Variants in TRIO observed in about 807,000 individuals in gnomAD.
The protein encoded by TRIO is trio Rho guanine nucleotide exchange factor, also known as triple functional domain protein.
TRIO carries 58 observed loss-of-function variants against 351.9 expected under a neutral mutation model. That is an observed-to-expected ratio of 0.16 (90% CI 0.13 to 0.21). The LOEUF (loss-of-function observed/expected upper bound fraction) is 0.21. TRIO is among the 10% of genes least tolerant of loss of function. The probability of loss-of-function intolerance (pLI) is 1.00; values close to 1 mark genes in which losing one functional copy is unlikely to be tolerated. For synonymous variants in TRIO, 1,758 were observed against 1,595.7 expected (o/e 1.10, Z -2.42); for missense variants, 3,201 against 4,027.8 (o/e 0.79, Z 5.56).
intron 1 of TRIO, among the ~76,000 whole-genome samples, chr5:14,159,168 C>G (rs531933070): frequency 6.6e-6 from 1 of 152,166 alleles, no homozygotes; most frequent in African/African-American, 2.4e-5. Context: ...TCCCACTCCC[C>G]CTCTCCCTTT....
chr5:14,219,346 T>A (rs958269852), intron 1 of TRIO, among the ~76,000 whole-genome samples: 1 of 152,222 alleles, frequency 6.6e-6, no homozygotes, highest in African/African-American at 2.4e-5. Context: ...CCTGTACTTC[T>A]GCCTCTGCAA....
chr5:14,368,877 C>T lies in TRIO; in HGVS notation c.3044C>T (p.Ala1015Val). 1 of 1,614,120 alleles carries T rather than the reference C, an allele frequency of 6.2e-7. No individual in the cohort carries two copies. Among genetic ancestry groups the T allele is most frequent in the Non-Finnish European group, 8.5e-7 (1 of 1,180,018 alleles). ...CTCAAGCTCGTCAACGCCTCTGTCG[C>T]TTTCTACAAAACCTCAGAGCAGGTC... ...DRLKLVNASV[A>V]FYKTSEQVCS... The change falls in exon 17 of 57, where the codon GCT (alanine) becomes GTT (valine). Residue 1015 changes from alanine (A) to valine (V), a missense_variant. This residue lies in a region of TRIO where 363 missense variants were observed against 553.5 expected (regional missense o/e 0.66). Transcript: ENST00000344204.
chr5:14,504,339 T>G (rs2126708200), intron 54 of TRIO, 54 bp from the exon 55 acceptor site: 2 of 1,590,492 alleles, frequency 1.3e-6, no homozygotes, highest in Non-Finnish European at 1.7e-6. Flanking sequence ...AGAGTCTTTC[T>G]CGGTGCCAGA....
Position 14,497,864 on chromosome 5 carries a change from C to T in TRIO, c.8037C>T (p.Tyr2679=). 6.2e-7 allele frequency: 1 copy of T among 1,614,230 alleles called. No individual in the cohort carries two copies. The highest frequency in any genetic ancestry group is 1.3e-5 in the African/African-American group (1 of 75,054). ...CATTTCAGCTTCTCAATCCCAACTA[C>T]ATTTATGACGGTGAGTTCTGTTCTT... is the stretch of plus-strand genomic sequence containing the variant. ...KVSVKLLNPN[Y]IYDVPPEFVI... is the part of the protein sequence containing the mutation. The change falls in exon 51 of 57, where the codon TAC becomes TAT. Residue 2679 remains tyrosine, a synonymous_variant. Transcript: ENST00000344204. The surrounding 1 kb of genome is among the most constrained non-coding windows in gnomAD (Gnocchi z 4.4).
In TRIO at chr5:14,193,889, C is replaced by T. The variant is rs545172248; in HGVS notation, c.157+50007C>T. Among the ~76,000 whole-genome samples the T allele has an allele frequency of 3.9e-3, 464 of 117,928 alleles. 2 individuals carry two copies. Among genetic ancestry groups the T allele is most frequent in the Non-Finnish European group, 6.7e-3 (311 of 46,712 alleles). The allele number at this position is 117,928 out of a possible 152,430, so 77.4% of individuals were successfully genotyped here. A position where few individuals can be genotyped will look rare whatever the true frequency, so the allele number is the denominator to read the frequency against. On this transcript the variant is annotated intron_variant, in intron 1 of 56. Transcript: ENST00000344204. Reference sequence around the variant, plus strand: ...TACTGTAGATAACAGTGACCGTTTACTGTGTGTTCGTGTGCCTGGTACAGA... The same window carrying T: ...TACTGTAGATAACAGTGACCGTTTATTGTGTGTTCGTGTGCCTGGTACAGA...
intron 20 of TRIO, among the ~76,000 whole-genome samples, chr5:14,380,262 GGCGCCCCGCCTCCTCCTTC>G (rs79051446): frequency 0.44 from 63,984 of 144,702 alleles, 15,674 homozygotes; most frequent in East Asian, 0.59. Context: ...CCCTCTTCCC[GGCGCCCCGCCTCCTCCTTC>G]GCGCCCCGCC....
chr5:14,424,732 A>T (rs1750496632), intron 34 of TRIO, among the ~76,000 whole-genome samples: 1 of 152,176 alleles, frequency 6.6e-6, no homozygotes, highest in African/African-American at 2.4e-5. Context: ...GTGATACATG[A>T]TTGCTATTAA....
chr5:14,498,494 C>T, intron 52 of TRIO, 25 bp from the exon 53 acceptor site: 1 of 1,607,782 alleles, frequency 6.2e-7, no homozygotes, highest in Non-Finnish European at 8.5e-7. Flanking sequence ...TTCTGATGCG[C>T]AGTGTGTTCC....
chr5:14,259,129 GC>G (rs1278676853), intron 1 of TRIO, among the ~76,000 whole-genome samples: 1 of 152,212 alleles, frequency 6.6e-6, no homozygotes, highest in Non-Finnish European at 1.5e-5. Context: ...CACGCCTCCA[GC>G]GGTCACTTTC....
chr5:14,167,695 CG>C (rs1477835436), intron 1 of TRIO, among the ~76,000 whole-genome samples: 2 of 151,972 alleles, frequency 1.3e-5, no homozygotes, highest in Non-Finnish European at 2.9e-5. Context: ...TACTAAGATC[CG>C]GGGATAGGTG....
At chr5:14,301,407 C>T (rs932297954) in intron 7 of TRIO, among the ~76,000 whole-genome samples, 6 of 152,034 alleles carry the variant, frequency 3.9e-5, no homozygotes, top group African/African-American at 7.2e-5. Context: ...TTTGTGTTCA[C>T]GTATTTTGAT....
At chr5:14,440,944 G>C (rs942400294) in intron 34 of TRIO, 1 of 152,234 alleles carries the variant, frequency 6.6e-6, no homozygotes, top group Non-Finnish European at 1.5e-5. Context: ...ATTAGAGTCA[G>C]TGTGGTAGAA....
intron 1 of TRIO, among the ~76,000 whole-genome samples, chr5:14,151,090 AAAG>A (rs1405357197): frequency 4.6e-5 from 7 of 152,194 alleles, no homozygotes; most frequent in Admixed American, 2.0e-4. Context: ...TCCTGGTGCG[AAAG>A]AAGAAGTTTA....
intron 1 of TRIO, among the ~76,000 whole-genome samples, chr5:14,205,765 T>G (rs866798222): frequency 6.6e-6 from 1 of 152,230 alleles, no homozygotes; most frequent in South Asian, 2.1e-4. Context: ...CAGAGTCTCA[T>G]GCTGTCACCC....
chr5:14,374,889 C>T lies in TRIO; in HGVS notation c.3331+546C>T, dbSNP rs139730219. ...GTGTTTAGAAAAAGGTCTGGGAAAACGTATACTAAATTGTAATAGGATTGA... is the reference window on the plus strand; with the variant it reads ...GTGTTTAGAAAAAGGTCTGGGAAAATGTATACTAAATTGTAATAGGATTGA... On this transcript the variant is annotated intron_variant, in intron 19 of 56. Transcript: ENST00000344204. Among the ~76,000 whole-genome samples, 474 of 151,848 alleles carry T rather than the reference C, an allele frequency of 3.1e-3. 1 individual carries two copies. Among genetic ancestry groups the T allele is most frequent in the Non-Finnish European group, 4.4e-3 (301 of 67,954 alleles).
chr5:14,147,799 A>G (rs1561134551), intron 1 of TRIO, among the ~76,000 whole-genome samples: 1 of 152,184 alleles, frequency 6.6e-6, no homozygotes, highest in Non-Finnish European at 1.5e-5. Context: ...GGGCTGTGCT[A>G]CTTCTGTTGG....
chr5:14,444,956 G>A (rs970341427), intron 34 of TRIO, among the ~76,000 whole-genome samples: 4 of 152,158 alleles, frequency 2.6e-5, no homozygotes, highest in East Asian at 1.9e-4. Flanking sequence ...TCCTAGTTTT[G>A]GAATTCTTTT....
chr5:14,346,712 G>A (rs1266232568), intron 11 of TRIO, among the ~76,000 whole-genome samples: 4 of 152,222 alleles, frequency 2.6e-5, no homozygotes, highest in Admixed American at 6.5e-5. Context: ...GAATTAGTGG[G>A]CAGGCATTTG....
At chr5:14,244,204 A>G (rs773912506) in intron 1 of TRIO, among the ~76,000 whole-genome samples, 1 of 152,228 alleles carries the variant, frequency 6.6e-6, no homozygotes, top group African/African-American at 2.4e-5. Context: ...GTTTTTCACA[A>G]AGATATTTAC....
Sources: allele counts gnomAD v4.1 joint callset (sites outside exome capture counted in the v4.1 genomes callset), GRCh38; gene constraint gnomAD v4.1.1; regional missense constraint gnomAD v4.1.1; non-coding constraint Gnocchi (gnomAD v3.1); transcripts MANE v1.5; gene names NCBI Gene and HGNC (gene_info 2026-07-23, HGNC 2026-07-21).